The following CLBA1 variants were observed in gnomAD, a reference collection of about 807,000 sequenced individuals.
CLBA1 encodes the protein uncharacterized protein CLBA1.
Under a neutral mutation model 28.8 loss-of-function variants are expected in CLBA1, and 30 were observed. The ratio of observed to expected loss-of-function variants is 1.04; its 90% CI spans 0.78 to 1.41. The LOEUF (loss-of-function observed/expected upper bound fraction) is 1.41, where lower values mean the gene tolerates loss of function less well. Among genes scored for constraint, CLBA1 ranks in the 40% most tolerant of loss-of-function variants. The pLI is 0.00. For synonymous variants in CLBA1, 160 were observed against 152.8 expected (o/e 1.05, Z -0.35); for missense variants, 451 against 412.3 (o/e 1.09, Z -0.81).
chr14:104,994,723 G>C lies in CLBA1; in HGVS notation c.942G>C (p.Lys314Asn), dbSNP rs762571211. The change falls in exon 5 of 5, where the codon AAG (lysine) becomes AAC (asparagine). Residue 314 changes from lysine (K) to asparagine (N), a missense_variant. Physicochemically the swap from Lys to Asn is moderately conservative, Grantham distance 94 (BLOSUM62 0). Coordinates refer to ENST00000547315, the MANE Select transcript of CLBA1 (RefSeq NM_174891.4). ...GGAAAAGGATGTTCACTCCACGCAA[G>C]CTCAAACTGACACTCTTTAATAGCG... Reference protein sequence around the residue: ...IPRKRMFTPRKLKLTLFNSDV... With the variant: ...IPRKRMFTPRNLKLTLFNSDV... 2 of 1,613,152 alleles carry C rather than the reference G, an allele frequency of 1.2e-6. No homozygotes were observed. Among genetic ancestry groups the C allele is most frequent in the Non-Finnish European group, 1.7e-6 (2 of 1,179,608 alleles).
In CLBA1 at chr14:104,994,663, CT is replaced by C. The variant is rs866274234; in HGVS notation, c.883del (p.Ser295HisfsTer23). The part of the protein sequence containing the change: ...MTCSRFLKTP[S>X]CGGGQHITIP... ...CATGCAGCCGCTTCCTGAAGACCCC[CT>C]CATGCGGAGGTGGCCAGCACATCAC... On this transcript the variant is annotated frameshift_variant, in exon 5 of 5. Coordinates refer to ENST00000547315, the MANE Select transcript of CLBA1 (RefSeq NM_174891.4). LOFTEE classifies it low-confidence loss of function (END_TRUNC). 2 of 1,614,032 alleles carry C rather than the reference CT, an allele frequency of 1.2e-6. No homozygotes were observed. The highest frequency in any genetic ancestry group is 1.7e-6 in the Non-Finnish European group (2 of 1,179,988).
At position 104,995,302 on chromosome 14, in the gene CLBA1, C is replaced by CT; in HGVS notation, c.*545dup. On this transcript the variant is annotated 3_prime_UTR_variant, in exon 5 of 5. Transcript: ENST00000547315. Reference sequence around the variant, plus strand: ...CCTCAGAGCCTCGCAGGTGCCCTCACTTACTGCCTGGGCCCCTGCCCAGCA... The same window carrying CT: ...CCTCAGAGCCTCGCAGGTGCCCTCACTTTACTGCCTGGGCCCCTGCCCAGCA... The CT allele has an allele frequency of 1.0e-6, 1 of 985,512 alleles. No homozygotes were observed. The highest frequency in any genetic ancestry group is 1.2e-6 in the Non-Finnish European group (1 of 830,028). The allele number at this position is 985,512 out of a possible 1,614,324, so 61.0% of individuals were successfully genotyped here. A position where few individuals can be genotyped will look rare whatever the true frequency, so the allele number is the denominator to read the frequency against.
chr14:104,989,354 C>T, intron 2 of CLBA1: 1 of 455,278 alleles, frequency 2.2e-6, no homozygotes, highest in Non-Finnish European at 4.1e-6. Flanking sequence ...CCTTGGGTCT[C>T]AGTGCCAGTG....
intron 2 of CLBA1, chr14:104,989,379 G>T (rs1436595023): frequency 1.4e-5 from 6 of 426,442 alleles, no homozygotes; most frequent in Non-Finnish European, 2.7e-5. Context: ...TGGAGTGGGT[G>T]GGGGCCTCGC....
rs1230430176 is a variant in CLBA1 at position 104,986,165 on chromosome 14, C to T, written c.-267C>T. Reference sequence around the variant, plus strand: ...ACACCTGCCGTGGGTCTGGTACGCGCCTCTGTGTCGGACTCCGCGCCCGCC... The same window carrying T: ...ACACCTGCCGTGGGTCTGGTACGCGTCTCTGTGTCGGACTCCGCGCCCGCC... On this transcript the variant is annotated 5_prime_UTR_variant, in exon 1 of 5. Coordinates refer to ENST00000547315, the MANE Select transcript of CLBA1 (RefSeq NM_174891.4). The T allele has an allele frequency of 1.9e-6, 1 of 535,292 alleles. No individual in the cohort carries two copies. The highest frequency in any genetic ancestry group is 1.9e-5 in the African/African-American group (1 of 52,588). The allele number at this position is 535,292 out of a possible 1,614,324, so 33.2% of individuals were successfully genotyped here. A position where few individuals can be genotyped will look rare whatever the true frequency, so the allele number is the denominator to read the frequency against.
At chr14:104,996,789 G>A (rs1238687401), downstream of CLBA1, among the ~76,000 whole-genome samples, 3 of 152,172 alleles carry the variant, frequency 2.0e-5, no homozygotes, top group Admixed American at 6.5e-5. Flanking sequence ...AGACCCCACC[G>A]AAGCCATGCC....
chr14:104,991,275 C>T (rs960912742), intron 2 of CLBA1: 13 of 422,810 alleles, frequency 3.1e-5, no homozygotes, highest in African/African-American at 2.7e-4. Flanking sequence ...CTGTCAGCCT[C>T]AGCCTCCCAA....
chr14:104,991,750 G>A (rs1356816077), intron 3 of CLBA1, 130 bp downstream of exon 3: 1 of 1,155,686 alleles, frequency 8.7e-7, no homozygotes, highest in African/African-American at 1.6e-5. Context: ...AAGCCACTAG[G>A]TGGCCCCATA....
intron 4 of CLBA1, chr14:104,993,285 A>C: frequency 2.0e-6 from 2 of 985,402 alleles, no homozygotes; most frequent in Non-Finnish European, 2.4e-6. Context: ...AAAGACTCTC[A>C]GGCCAGAGGA....
rs1236103533 is a variant in CLBA1 at position 104,986,728 on chromosome 14, ACTC to A, written c.301_303del (p.Leu101del). ...CTGGACAATTCTCACAGTCCCTTGAACTCCTCGAGGGACCCACAGAACCCCAGC... is the reference window on the plus strand; with the variant it reads ...CTGGACAATTCTCACAGTCCCTTGAACTCGAGGGACCCACAGAACCCCAGC... On this transcript the variant is annotated inframe_deletion, in exon 1 of 5. Transcript: ENST00000547315. 1.2e-6 allele frequency: 2 copies of A among 1,612,838 alleles called. No homozygotes were observed. Among genetic ancestry groups the A allele is most frequent in the African/African-American group, 2.7e-5 (2 of 74,476 alleles).
At position 104,995,306 on chromosome 14, in the gene CLBA1, C is replaced by T; in HGVS notation, c.*547C>T. 3.0e-6 allele frequency: 3 copies of T among 985,546 alleles called. No homozygotes were observed. The highest frequency in any genetic ancestry group is 3.6e-6 in the Non-Finnish European group (3 of 830,034). The allele number at this position is 985,546 out of a possible 1,614,324, so 61.1% of individuals were successfully genotyped here. A position where few individuals can be genotyped will look rare whatever the true frequency, so the allele number is the denominator to read the frequency against. On this transcript the variant is annotated 3_prime_UTR_variant, in exon 5 of 5. Transcript: ENST00000547315. ...AGAGCCTCGCAGGTGCCCTCACTTA[C>T]TGCCTGGGCCCCTGCCCAGCAGCCT...
In CLBA1 at chr14:104,985,884, T is replaced by TGCCGGGCCCGGGCCCGGGCCCAGGACAC; in HGVS notation, c.-546_-545insCGGGCCCGGGCCCGGGCCCAGGACACGC. On this transcript the variant is annotated 5_prime_UTR_variant, in exon 1 of 5. Transcript: ENST00000547315. Reference sequence around the variant, plus strand: ...CCGCCGAGGCGGCGACCAAGGTGGGTGCGGGGACTCTCGGGAGCCGTGGGC... The same window carrying TGCCGGGCCCGGGCCCGGGCCCAGGACAC: ...CCGCCGAGGCGGCGACCAAGGTGGGTGCCGGGCCCGGGCCCGGGCCCAGGACACGCGGGGACTCTCGGGAGCCGTGGGC... The TGCCGGGCCCGGGCCCGGGCCCAGGACAC allele has an allele frequency of 4.5e-6, 1 of 222,702 alleles. No homozygotes were observed. The highest frequency in any genetic ancestry group is 9.5e-6 in the Non-Finnish European group (1 of 105,312). The allele number at this position is 222,702 out of a possible 1,614,324, so 13.8% of individuals were successfully genotyped here. A position where few individuals can be genotyped will look rare whatever the true frequency, so the allele number is the denominator to read the frequency against.
At chr14:104,990,212 C>T in intron 2 of CLBA1, 1 of 162,810 alleles carries the variant, frequency 6.1e-6, no homozygotes. Flanking sequence ...CTTGGCGGGG[C>T]TGGACACTCG....
At chr14:104,993,471 C>T (rs933498487) in intron 4 of CLBA1, 8 of 985,244 alleles carry the variant, frequency 8.1e-6, no homozygotes, top group Middle Eastern at 5.2e-4. Flanking sequence ...ATCTGACTGG[C>T]GGCTTCAGTC....
In CLBA1 at chr14:104,986,673, T is replaced by C. The variant is rs758262838; in HGVS notation, c.242T>C (p.Phe81Ser). 1.9e-6 allele frequency: 3 copies of C among 1,613,932 alleles called. No individual in the cohort carries two copies. In the East Asian group the frequency reaches 6.7e-5, roughly 36 times the overall value. Residue 81 changes from phenylalanine to serine, a missense_variant, in exon 1 of 5, where the codon TTT becomes TCT. Transcript: ENST00000547315. ...PGEHSSTWGE[F>S]EGFRESSAKS... is the part of the protein sequence containing the mutation. ...GAACACAGCAGCACTTGGGGGGAGT[T>C]TGAAGGCTTTCGGGAATCTTCAGCC... is the stretch of plus-strand genomic sequence containing the variant.
downstream of CLBA1, among the ~76,000 whole-genome samples, chr14:104,995,922 C>G (rs2140900724): frequency 6.6e-6 from 1 of 152,348 alleles, no homozygotes; most frequent in Admixed American, 6.5e-5. Context: ...TTCTAACACA[C>G]AGCTTCCTTC....
Position 104,986,402 on chromosome 14 carries a change from T to A in CLBA1, c.-30T>A. The A allele has an allele frequency of 6.2e-7, 1 of 1,603,606 alleles. No homozygotes were observed. Among genetic ancestry groups the A allele is most frequent in the Non-Finnish European group, 8.5e-7 (1 of 1,176,454 alleles). ...TGCATGTCTCCTGAGCAGCTGCCCA[T>A]CGGGCCTCTGCTGGCCTGGGGGCTC... On this transcript the variant is annotated 5_prime_UTR_variant, in exon 1 of 5. Transcript: ENST00000547315.
intron 2 of CLBA1, among the ~76,000 whole-genome samples, chr14:105,000,754 C>CGGT (rs1244614600): frequency 6.6e-6 from 1 of 151,952 alleles, no homozygotes; most frequent in Non-Finnish European, 1.5e-5. Flanking sequence ...GATGAAATGT[C>CGGT]GGTGATGGTG....
rs187100989 is a variant in CLBA1, at chr14:105,001,243, C to T, written n.216+8179C>T. Among the ~76,000 whole-genome samples the T allele has an allele frequency of 1.5e-3, 222 of 152,292 alleles. 2 individuals are homozygous for T. Among genetic ancestry groups the T allele is most frequent in the African/African-American group, 5.2e-3 (217 of 41,550 alleles). ...AGGTGTGGTGGCTCATGCCTGTAAT[C>T]CCAGCACTTTGGGAGGCCAAGGCAA... On this transcript the variant is annotated intron_variant and non_coding_transcript_variant, in intron 2 of 2. Coordinates refer to the CLBA1 transcript ENST00000548178.
Sources: allele counts gnomAD v4.1 joint callset (sites outside exome capture counted in the v4.1 genomes callset), GRCh38; gene constraint gnomAD v4.1.1; transcripts MANE v1.5; gene names NCBI Gene and HGNC (gene_info 2026-07-23, HGNC 2026-07-21).